Variants in SPOCK3 observed in about 807,000 individuals in gnomAD.
SPOCK3 encodes SPARC (osteonectin), cwcv and kazal like domains proteoglycan 3.
SPOCK3 carries 30 observed loss-of-function variants against 56.6 expected under a neutral mutation model. That is an observed-to-expected ratio of 0.53 (90% confidence interval 0.40 to 0.72). The LOEUF (loss-of-function observed/expected upper bound fraction) is 0.72, where lower values mean the gene tolerates loss of function less well. Ranked by LOEUF, SPOCK3 falls within the 30% of genes least tolerant of loss-of-function variation. The pLI is 0.00. For synonymous variants in SPOCK3, 196 were observed against 183.3 expected, an observed-to-expected ratio of 1.07 and a Z score of -0.56; for missense variants, 527 against 530.0, an observed-to-expected ratio of 0.99 and a Z score of 0.06.
chr4:166,914,908 A>G (rs1737673593), intron 4 of SPOCK3, among the ~76,000 whole-genome samples: 1 of 152,192 alleles, frequency 6.6e-6, no homozygotes, highest in South Asian at 2.1e-4. Context: ...AGTTTTAACC[A>G]TACGGAACAC....
intron 4 of SPOCK3, among the ~76,000 whole-genome samples, chr4:166,928,103 T>C (rs1308393041): frequency 1.3e-5 from 2 of 152,178 alleles, no homozygotes; most frequent in African/African-American, 4.8e-5. Flanking sequence ...TGTGGCACTA[T>C]AGAGACTCTG....
chr4:166,897,321 C>G (rs1735501413), intron 5 of SPOCK3, among the ~76,000 whole-genome samples: 1 of 152,008 alleles, frequency 6.6e-6, no homozygotes, highest in Admixed American at 6.6e-5. Context: ...GCCTTTTGTT[C>G]TGTATTATCT....
At chr4:166,867,978 T>C (rs1732025104) in intron 6 of SPOCK3, among the ~76,000 whole-genome samples, 1 of 151,988 alleles carries the variant, frequency 6.6e-6, no homozygotes, top group South Asian at 2.1e-4. Context: ...ATTTGTTGGA[T>C]TAAGAAATAA....
intron 5 of SPOCK3, among the ~76,000 whole-genome samples, chr4:166,907,392 C>A (rs1291499183): frequency 6.6e-6 from 1 of 152,030 alleles, no homozygotes; most frequent in Non-Finnish European, 1.5e-5. Context: ...AGTCATTGAT[C>A]AAGTCAATGA....
At chr4:166,848,040 A>G (rs1748285480) in intron 6 of SPOCK3, among the ~76,000 whole-genome samples, 1 of 152,166 alleles carries the variant, frequency 6.6e-6, no homozygotes, top group Non-Finnish European at 1.5e-5. Context: ...TACACACAAT[A>G]GTTCTTAAAA....
intron 10 of SPOCK3, among the ~76,000 whole-genome samples, chr4:166,736,886 T>G (rs994655638): frequency 6.6e-6 from 1 of 152,134 alleles, no homozygotes; most frequent in Admixed American, 6.6e-5. Context: ...ACATTCTATT[T>G]TAAATATATA....
chr4:166,960,926 A>G (rs1744069784), intron 4 of SPOCK3, among the ~76,000 whole-genome samples: 1 of 152,214 alleles, frequency 6.6e-6, no homozygotes. Context: ...TTTATCACAT[A>G]TTAGATAATT....
At chr4:166,799,966 G>T (rs546324504) in intron 6 of SPOCK3, among the ~76,000 whole-genome samples, 50 of 152,042 alleles carry the variant, frequency 3.3e-4, no homozygotes, top group African/African-American at 1.1e-3. Context: ...TGGATCACAA[G>T]GTCAGGAGAT....
intron 6 of SPOCK3, among the ~76,000 whole-genome samples, chr4:166,826,483 G>A (rs1269839048): frequency 6.6e-6 from 1 of 151,960 alleles, no homozygotes; most frequent in South Asian, 2.1e-4. Flanking sequence ...ACAAGAAAGA[G>A]CAATCATTTC....
chr4:166,887,403 C>G (rs572522654), intron 6 of SPOCK3, among the ~76,000 whole-genome samples: 45 of 152,174 alleles, frequency 3.0e-4, no homozygotes, highest in Non-Finnish European at 5.0e-4. Context: ...GGATAGTGAA[C>G]CTGGTAGGAT....
intron 2 of SPOCK3, among the ~76,000 whole-genome samples, chr4:167,099,294 T>C (rs542769061): frequency 2.6e-5 from 4 of 152,084 alleles, no homozygotes; most frequent in African/African-American, 9.6e-5. Flanking sequence ...TATTTTAAAA[T>C]ATTGGAATTA....
intron 7 of SPOCK3, among the ~76,000 whole-genome samples, chr4:166,769,638 G>A (rs1202029219): frequency 6.6e-6 from 1 of 152,168 alleles, no homozygotes; most frequent in Non-Finnish European, 1.5e-5. Flanking sequence ...GGGGGTCAGG[G>A]ACCCACTTGA....
intron 4 of SPOCK3, among the ~76,000 whole-genome samples, chr4:166,980,588 T>C (rs1746467436): frequency 6.6e-6 from 1 of 152,072 alleles, no homozygotes; most frequent in Non-Finnish European, 1.5e-5. Context: ...AGGAGCAGAG[T>C]GGTGCAGGGT....
At chr4:166,902,654 CTTA>C (rs1299584843) in intron 5 of SPOCK3, among the ~76,000 whole-genome samples, 12 of 151,304 alleles carry the variant, frequency 7.9e-5, no homozygotes, top group African/African-American at 2.4e-4. Context: ...TATATTATAG[CTTA>C]TTATTCTATG....
intron 9 of SPOCK3, among the ~76,000 whole-genome samples, chr4:166,739,174 A>T (rs908207938): frequency 1.3e-5 from 2 of 152,110 alleles, no homozygotes; most frequent in African/African-American, 4.8e-5. Context: ...AACCGGTGTG[A>T]GATGGTATCT....
chr4:167,227,674 G>A (rs1032980026), intron 2 of SPOCK3, among the ~76,000 whole-genome samples: 2 of 152,100 alleles, frequency 1.3e-5, no homozygotes, highest in Non-Finnish European at 1.5e-5. Flanking sequence ...TACTCCAGGA[G>A]CTTACAGGAC....
At chr4:167,211,989 T>C (rs1295793468) in intron 2 of SPOCK3, among the ~76,000 whole-genome samples, 2 of 152,314 alleles carry the variant, frequency 1.3e-5, no homozygotes, top group Admixed American at 1.3e-4. Context: ...AGTGTAAACA[T>C]ACTGACTCCA....
At chr4:166,934,370 C>G (rs956956572) in intron 4 of SPOCK3, among the ~76,000 whole-genome samples, 2 of 149,072 alleles carry the variant, frequency 1.3e-5, no homozygotes, top group Non-Finnish European at 3.0e-5. Flanking sequence ...TGGTGGGGGG[C>G]ACCTGTAGTC....
intron 3 of SPOCK3, among the ~76,000 whole-genome samples, chr4:167,007,365 C>T (rs1749569133): frequency 6.6e-6 from 1 of 152,094 alleles, no homozygotes; most frequent in Admixed American, 6.6e-5. Flanking sequence ...ATTCATAATG[C>T]CTAATACAAT....
Sources: gnomAD v4.1 joint callset for allele counts (sites outside exome capture counted in the v4.1 genomes callset) on GRCh38, gnomAD v4.1.1 for gene constraint, MANE v1.5 for transcripts, NCBI Gene and HGNC (gene_info 2026-07-23, HGNC 2026-07-21) for gene names.